ARPP21: variants seen among roughly 807,000 people sequenced by gnomAD.
ARPP21 encodes the protein cAMP-regulated phosphoprotein 21.
Under a neutral mutation model 113.2 loss-of-function variants are expected in ARPP21, and 69 were observed. The ratio of observed to expected loss-of-function variants is 0.61; its 90% CI spans 0.50 to 0.74. The LOEUF (loss-of-function observed/expected upper bound fraction) is 0.74, where lower values mean the gene tolerates loss of function less well. Among genes scored for constraint, ARPP21 ranks in the 30% least tolerant of loss-of-function variants. ARPP21 has a pLI of 0.00. For missense variants in ARPP21, 1,070 were observed against 1,037.4 expected, an observed-to-expected ratio of 1.03 and a Z score of -0.43; for synonymous variants, 368 against 375.5, an observed-to-expected ratio of 0.98 and a Z score of 0.23.
At chr3:35,734,416 T>A (rs1368837453) in intron 15 of ARPP21, among the ~76,000 whole-genome samples, 1 of 152,138 alleles carries the variant, frequency 6.6e-6, no homozygotes, top group Non-Finnish European at 1.5e-5. Context: ...ATAAAATGCA[T>A]CTACGTGATA....
intron 9 of ARPP21, among the ~76,000 whole-genome samples, chr3:35,695,856 T>A (rs1436747730): frequency 2.0e-5 from 3 of 151,590 alleles, no homozygotes; most frequent in Non-Finnish European, 4.4e-5. Context: ...AAGGATTTTT[T>A]AAAATTATTT....
intron 19 of ARPP21, among the ~76,000 whole-genome samples, chr3:35,787,447 T>C (rs989612350): frequency 1.3e-4 from 20 of 152,316 alleles, no homozygotes; most frequent in African/African-American, 4.6e-4. Context: ...GTCCTAGTAA[T>C]TAAAAGCTAT....
At chr3:35,746,769 G>A (rs1022857453) in intron 19 of ARPP21, among the ~76,000 whole-genome samples, 1 of 152,110 alleles carries the variant, frequency 6.6e-6, no homozygotes, top group African/African-American at 2.4e-5. Flanking sequence ...TTATTTAATT[G>A]CAGTAAAAAG....
chr3:35,735,774 T>TC (rs1457473214), intron 15 of ARPP21, among the ~76,000 whole-genome samples: 1 of 152,210 alleles, frequency 6.6e-6, no homozygotes, highest in Admixed American at 6.5e-5. Context: ...TTCCCACTGC[T>TC]CCTTTTCCAA....
rs2150162985 is a variant in ARPP21 at position 35,715,219 on chromosome 3, C to T, written c.898-220C>T. ...ATGCCGAACAGACTAAATCTAAAAC[C>T]TGGAGACGTCCTGAAGGAAAAATAC... On this transcript the variant is annotated intron_variant, in intron 11 of 20. Coordinates refer to ENST00000684406, the MANE Select transcript of ARPP21 (RefSeq NM_001385562.1). 4 of 474,958 alleles carry T rather than the reference C, an allele frequency of 8.4e-6. No individual in the cohort carries two copies. The South Asian group carries it at 1.2e-4, about 14-fold the overall frequency. 29.4% of individuals were successfully genotyped at this position (474,958 alleles called of 1,614,324 possible). A position where few individuals can be genotyped will look rare whatever the true frequency, so the allele number is the denominator to read the frequency against.
intron 1 of ARPP21, among the ~76,000 whole-genome samples, chr3:35,645,203 C>T (rs534382163): frequency 6.6e-6 from 1 of 151,722 alleles, no homozygotes; most frequent in Admixed American, 6.6e-5. Flanking sequence ...TAAAAACAGG[C>T]CTTTTACTAC....
chr3:35,778,393 A>G (rs2096437551), intron 19 of ARPP21, among the ~76,000 whole-genome samples: 1 of 152,110 alleles, frequency 6.6e-6, no homozygotes, highest in African/African-American at 2.4e-5. Context: ...GCAGAGGGAG[A>G]GAGAGCAGGC....
intron 20 of ARPP21, among the ~76,000 whole-genome samples, chr3:35,793,115 A>G (rs2096779237): frequency 1.3e-5 from 2 of 152,206 alleles, no homozygotes; most frequent in South Asian, 4.1e-4. Flanking sequence ...ATTTAACTGT[A>G]CCAGGTGCTT....
chr3:35,728,487 G>C (rs2093704380), intron 14 of ARPP21, among the ~76,000 whole-genome samples: 1 of 150,430 alleles, frequency 6.6e-6, no homozygotes, highest in African/African-American at 2.4e-5. Flanking sequence ...CAAAGTGCTG[G>C]GATTACAGGC....
At chr3:35,748,024 A>G (rs1014537696) in intron 19 of ARPP21, among the ~76,000 whole-genome samples, 1 of 147,316 alleles carries the variant, frequency 6.8e-6, no homozygotes, top group Non-Finnish European at 1.5e-5. Flanking sequence ...AGAAAGAAAG[A>G]CAGAAAGAGA....
At chr3:35,702,915 G>A (rs1415726972) in intron 9 of ARPP21, among the ~76,000 whole-genome samples, 3 of 151,766 alleles carry the variant, frequency 2.0e-5, no homozygotes, top group Non-Finnish European at 3.0e-5. Context: ...AGTGTCATTA[G>A]ATTTCTCTAA....
At chr3:35,642,456 A>G (rs1698440004) in intron 1 of ARPP21, 1 of 152,182 alleles carries the variant, frequency 6.6e-6, no homozygotes, top group South Asian at 2.1e-4. Flanking sequence ...GTCCTAATAT[A>G]TCATATGAAT....
At chr3:35,725,154 G>A (rs2093428485) in intron 14 of ARPP21, among the ~76,000 whole-genome samples, 5 of 152,142 alleles carry the variant, frequency 3.3e-5, no homozygotes, top group Admixed American at 2.6e-4. Context: ...GATGTGATTA[G>A]GCTCCATGTG....
chr3:35,767,772 A>G (rs1463461579), intron 19 of ARPP21, among the ~76,000 whole-genome samples: 1 of 152,090 alleles, frequency 6.6e-6, no homozygotes, highest in East Asian at 1.9e-4. Flanking sequence ...GCCATTACTA[A>G]GAACTTCATA....
chr3:35,743,635 A>G (rs1329300998), intron 18 of ARPP21, among the ~76,000 whole-genome samples: 3 of 152,250 alleles, frequency 2.0e-5, no homozygotes, highest in Non-Finnish European at 2.9e-5. Context: ...AGAAAGTCAC[A>G]GAACCAGCTC....
At chr3:35,695,939 T>G (rs1575942055) in intron 9 of ARPP21, among the ~76,000 whole-genome samples, 1 of 151,682 alleles carries the variant, frequency 6.6e-6, no homozygotes, top group South Asian at 2.1e-4. Context: ...TGCTGCACAG[T>G]GGCAGCAGGA....
chr3:35,781,371 A>G (rs970562930), intron 19 of ARPP21: 1 of 152,206 alleles, frequency 6.6e-6, no homozygotes. Flanking sequence ...CTTCTAGTCA[A>G]GATGGAAACA....
At chr3:35,789,241 G>T (rs9822191) in intron 19 of ARPP21, among the ~76,000 whole-genome samples, 2 of 152,150 alleles carry the variant, frequency 1.3e-5, no homozygotes, top group African/African-American at 4.8e-5. Flanking sequence ...CTCTGCCTTC[G>T]GGTGTGTTGT....
chr3:35,777,746 T>G (rs2096413722), intron 19 of ARPP21, among the ~76,000 whole-genome samples: 1 of 152,236 alleles, frequency 6.6e-6, no homozygotes, highest in Non-Finnish European at 1.5e-5. Flanking sequence ...ATCTCAGCCA[T>G]CTGGTTCTGC....
Sources: allele counts gnomAD v4.1 joint callset (sites outside exome capture counted in the v4.1 genomes callset), GRCh38; gene constraint gnomAD v4.1.1; transcripts MANE v1.5; gene names NCBI Gene and HGNC (gene_info 2026-07-23, HGNC 2026-07-21).